Variants in PTPRF observed in about 807,000 individuals in gnomAD.
The protein encoded by PTPRF is protein tyrosine phosphatase receptor type F, also known as receptor-type tyrosine-protein phosphatase F.
A neutral mutation model predicts 201.8 loss-of-function variants in PTPRF; 59 were observed. The observed-to-expected ratio is 0.29, with a 90% CI of 0.24 to 0.36. The LOEUF (loss-of-function observed/expected upper bound fraction) is 0.36, where lower values mean the gene tolerates loss of function less well. Ranked by LOEUF, PTPRF falls within the 10% of genes least tolerant of loss-of-function variation. The pLI, the probability that PTPRF is intolerant of heterozygous loss-of-function variation, is 1.00. For missense variants in PTPRF, 2,132 were observed against 2,690.5 expected (o/e 0.79, Z 4.59); for synonymous variants, 1,088 against 1,089.7 (o/e 1.00, Z 0.03).
intron 7 of PTPRF, among the ~76,000 whole-genome samples, chr1:43,585,330 CAAG>C (rs974273473): frequency 2.0e-5 from 3 of 152,156 alleles, no homozygotes; most frequent in Non-Finnish European, 4.4e-5. Context: ...ACTTGGAATA[CAAG>C]GAGGTTGTCC....
intron 11 of PTPRF, among the ~76,000 whole-genome samples, chr1:43,593,044 C>T (rs1016314055): frequency 1.3e-5 from 2 of 152,228 alleles, no homozygotes; most frequent in African/African-American, 4.8e-5. Flanking sequence ...CCTCATACTC[C>T]CCATGAAAGT....
At position 43,622,280 on chromosome 1, in the gene PTPRF, C is replaced by A; in HGVS notation, c.*277C>A. The A allele has an allele frequency of 4.2e-6, 2 of 474,544 alleles. No individual in the cohort carries two copies. The highest frequency in any genetic ancestry group is 7.6e-6 in the Non-Finnish European group (2 of 263,656). The allele number at this position is 474,544 out of a possible 1,614,324, so 29.4% of individuals were successfully genotyped here. ...CTTCAAGCTCTCTGTTGCGCTCCCGCATTTCTCATGCTTCTTCTCATGGGG... is the reference window on the plus strand; with the variant it reads ...CTTCAAGCTCTCTGTTGCGCTCCCGAATTTCTCATGCTTCTTCTCATGGGG... On this transcript the variant is annotated 3_prime_UTR_variant, in exon 34 of 34. Coordinates refer to ENST00000359947, the MANE Select transcript of PTPRF (RefSeq NM_002840.5).
At chr1:43,615,635 C>T (rs1464404720) in intron 23 of PTPRF, among the ~76,000 whole-genome samples, 7 of 138,182 alleles carry the variant, frequency 5.1e-5, no homozygotes, top group Non-Finnish European at 1.1e-4. Flanking sequence ...GGCGTGATCT[C>T]GGCTCAGTGC....
chr1:43,600,385 T>C (rs1653453367), intron 13 of PTPRF, among the ~76,000 whole-genome samples: 1 of 152,086 alleles, frequency 6.6e-6, no homozygotes. Flanking sequence ...GCCCATTTAG[T>C]CTCAGACATC....
At position 43,561,702 on chromosome 1, in the gene PTPRF, A is replaced by T. The variant is rs1011585381; in HGVS notation, c.379+7761A>T. Among the ~76,000 whole-genome samples, 13 of 152,194 alleles carry T rather than the reference A, an allele frequency of 8.5e-5. 1 individual carries two copies. Among genetic ancestry groups the T allele is most frequent in the Non-Finnish European group, 1.6e-4 (11 of 68,028 alleles). Reference sequence around the variant, plus strand: ...CAGTAGATTTCAGATCCACGCAGACATGAGGTTCTACAATCATTTCCTGGA... The same window carrying T: ...CAGTAGATTTCAGATCCACGCAGACTTGAGGTTCTACAATCATTTCCTGGA... On this transcript the variant is annotated intron_variant, in intron 5 of 33. Transcript: ENST00000359947.
Position 43,598,073 on chromosome 1 carries a change from C to G in PTPRF, c.2119+20C>G. 6.9e-7 allele frequency: 1 copy of G among 1,452,830 alleles called. No individual in the cohort carries two copies. Among genetic ancestry groups the G allele is most frequent in the Non-Finnish European group, 9.1e-7 (1 of 1,097,428 alleles). 90.0% of individuals were successfully genotyped at this position (1,452,830 alleles called of 1,614,324 possible). A position where few individuals can be genotyped will look rare whatever the true frequency, so the allele number is the denominator to read the frequency against. ...AGGACGGTAGGCAGTGCCACCGGGG[C>G]GGGAGGGGAGGCGTTCTGCCTCAGA... On this transcript the variant is annotated intron_variant, in intron 12 of 33. Transcript: ENST00000359947.
chr1:43,576,271 A>G (rs1557751294), intron 6 of PTPRF, among the ~76,000 whole-genome samples: 1 of 152,238 alleles, frequency 6.6e-6, no homozygotes, highest in Non-Finnish European at 1.5e-5. Flanking sequence ...CCTAGACAGA[A>G]GAGCTTCCCT....
intron 9 of PTPRF, 62 bp from the exon 10 acceptor site, chr1:43,591,750 C>G: frequency 6.3e-7 from 1 of 1,594,158 alleles, no homozygotes; most frequent in South Asian, 1.1e-5. Flanking sequence ...CGGCTCCCTC[C>G]TCCCTGGGCA....
chr1:43,549,302 C>T (rs1644875065), intron 3 of PTPRF, among the ~76,000 whole-genome samples: 1 of 152,188 alleles, frequency 6.6e-6, no homozygotes, highest in Non-Finnish European at 1.5e-5. Flanking sequence ...TTGCTGCCTG[C>T]CTGGGGACCT....
Position 43,557,256 on chromosome 1 carries a change from C to T in PTPRF, c.379+3315C>T, listed in dbSNP as rs565873058. On this transcript the variant is annotated intron_variant, in intron 5 of 33. Transcript: ENST00000359947. Reference sequence around the variant, plus strand: ...GTCAGGAGCCCTCTTACCTCTGCCACTGCCCTGGGCAGCCTTACCTTTCAA... The same window carrying T: ...GTCAGGAGCCCTCTTACCTCTGCCATTGCCCTGGGCAGCCTTACCTTTCAA... Among the ~76,000 whole-genome samples the T allele has an allele frequency of 7.9e-5, 12 of 152,358 alleles. No individual in the cohort carries two copies. The East Asian group carries it at 2.3e-3, about 29-fold the overall frequency.
intron 3 of PTPRF, among the ~76,000 whole-genome samples, chr1:43,549,315 C>T (rs1644875719): frequency 6.6e-6 from 1 of 152,178 alleles, no homozygotes; most frequent in African/African-American, 2.4e-5. Context: ...GGGGACCTGA[C>T]ACTGTGGGAT....
chr1:43,566,983 G>A (rs545342671), intron 5 of PTPRF, among the ~76,000 whole-genome samples: 2 of 152,264 alleles, frequency 1.3e-5, no homozygotes, highest in Non-Finnish European at 1.5e-5. Flanking sequence ...GACCTTCCTC[G>A]TGTAAGGAAT....
Position 43,603,528 on chromosome 1 carries a change from G to A in PTPRF, c.2453G>A (p.Gly818Asp), listed in dbSNP as rs1420141737. The A allele has an allele frequency of 6.2e-7, 1 of 1,613,938 alleles. No homozygotes were observed. The highest frequency in any genetic ancestry group is 8.5e-7 in the Non-Finnish European group (1 of 1,179,862). ...RSKPKIVTTT[G>D]AVPGRPTMMI... ...AAGCCCAAAATTGTCACTACAACAG[G>A]TGCAGGTGAGTGAGGGGTCAGGACG... Residue 818 changes from glycine (G) to aspartate (D), a missense_variant, in exon 15 of 34, where the codon GGT (glycine) becomes GAT (aspartate). Gly to Asp is a moderately conservative substitution (Grantham distance 94). Transcript: ENST00000359947. The surrounding 1 kb of genome is among the most constrained non-coding windows in gnomAD (Gnocchi z 5.8).
chr1:43,545,603 G>A (rs1644614856), intron 3 of PTPRF, among the ~76,000 whole-genome samples: 1 of 152,104 alleles, frequency 6.6e-6, no homozygotes, highest in South Asian at 2.1e-4. Flanking sequence ...TAGGCCCAAG[G>A]AGGGTCAAAA....
intron 21 of PTPRF, among the ~76,000 whole-genome samples, chr1:43,608,736 T>G (rs138779537): frequency 6.6e-6 from 1 of 152,212 alleles, no homozygotes; most frequent in Non-Finnish European, 1.5e-5. Flanking sequence ...CATGTCCTTG[T>G]ACCCACCTGA....
At chr1:43,617,679 G>A (rs1658201736) in intron 24 of PTPRF, 57 bp from the exon 25 acceptor site, 4 of 1,600,552 alleles carry the variant, frequency 2.5e-6, no homozygotes, top group South Asian at 2.2e-5. Context: ...CTGAGGCATG[G>A]TGGGCTGGGC....
intron 5 of PTPRF, among the ~76,000 whole-genome samples, chr1:43,557,048 C>A (rs996859807): frequency 2.0e-5 from 3 of 152,260 alleles, no homozygotes; most frequent in African/African-American, 7.2e-5. Context: ...TCAATGCTGC[C>A]CAGTCCTCCT....
intron 6 of PTPRF, among the ~76,000 whole-genome samples, chr1:43,572,814 G>C (rs1646663521): frequency 1.3e-5 from 2 of 152,068 alleles, no homozygotes; most frequent in Non-Finnish European, 2.9e-5. Flanking sequence ...GAGTCACTTG[G>C]GGTCACACAT....
At chr1:43,535,282 G>A (rs1013766120) in intron 1 of PTPRF, among the ~76,000 whole-genome samples, 12 of 152,128 alleles carry the variant, frequency 7.9e-5, no homozygotes, top group African/African-American at 2.9e-4. Context: ...TAGAGGTGAG[G>A]CCTGCAGAAG....
Sources: gnomAD v4.1 joint callset for allele counts (sites outside exome capture counted in the v4.1 genomes callset) on GRCh38, gnomAD v4.1.1 for gene constraint, Gnocchi (gnomAD v3.1) non-coding constraint, MANE v1.5 for transcripts, NCBI Gene and HGNC (gene_info 2026-07-23, HGNC 2026-07-21) for gene names.